The following RANBP10 variants were observed in gnomAD, a reference collection of about 807,000 sequenced individuals.
RANBP10 encodes the protein ran-binding protein 10.
RANBP10 carries 24 observed loss-of-function variants against 72.8 expected under a neutral mutation model. That is an observed-to-expected ratio of 0.33 (90% confidence interval 0.24 to 0.46). RANBP10 has a LOEUF of 0.46. RANBP10 is among the 20% of genes least tolerant of loss of function. The pLI is 1.00. For missense variants in RANBP10, 679 were observed against 817.5 expected (o/e 0.83, Z 2.07); for synonymous variants, 310 against 322.3 (o/e 0.96, Z 0.41).
At chr16:67,763,780 C>T (rs534604522) in intron 3 of RANBP10, among the ~76,000 whole-genome samples, 9 of 152,278 alleles carry the variant, frequency 5.9e-5, no homozygotes, top group African/African-American at 2.2e-4. Context: ...CTGCAACCTC[C>T]GCCTCCTGGG....
chr16:67,785,499 A>T (rs1012263998), intron 2 of RANBP10, among the ~76,000 whole-genome samples: 2 of 152,034 alleles, frequency 1.3e-5, no homozygotes, highest in South Asian at 4.1e-4. Flanking sequence ...AGGCTGAGGC[A>T]GGCGGACCAC....
chr16:67,800,738 C>T (rs1045714549), intron 2 of RANBP10, among the ~76,000 whole-genome samples: 2 of 152,114 alleles, frequency 1.3e-5, no homozygotes, highest in South Asian at 2.1e-4. Flanking sequence ...CAAACACAGC[C>T]CCTCCTACTC....
chr16:67,754,458 A>G (rs1399199740), intron 3 of RANBP10, among the ~76,000 whole-genome samples: 1 of 152,236 alleles, frequency 6.6e-6, no homozygotes, highest in Non-Finnish European at 1.5e-5. Flanking sequence ...TACAAAGGAC[A>G]GGACAAACAT....
chr16:67,762,165 T>C (rs929260595), intron 3 of RANBP10, among the ~76,000 whole-genome samples: 1 of 152,078 alleles, frequency 6.6e-6, no homozygotes, highest in African/African-American at 2.4e-5. Context: ...CTCGGGAAGC[T>C]GAGGCAAGAA....
chr16:67,728,394 G>A lies in RANBP10; in HGVS notation c.1470C>T (p.Ser490=), dbSNP rs2053651912. ...ACACCGGGCCGTGGCTCTCACCCAT[G>A]CTGGACTCATCCGTCTGCAGGTCCT... The part of the protein sequence containing the change: ...KHEDLQTDES[S]MDDRHPRRQL... Residue 490 remains serine, a synonymous_variant, in exon 11 of 14, where the codon AGC becomes AGT. Transcript: ENST00000317506. The A allele has an allele frequency of 1.2e-6, 2 of 1,614,100 alleles. No individual in the cohort carries two copies. The highest frequency in any genetic ancestry group is 1.7e-6 in the Non-Finnish European group (2 of 1,179,994).
At chr16:67,774,616 G>A (rs1368605842) in intron 2 of RANBP10, among the ~76,000 whole-genome samples, 1 of 152,148 alleles carries the variant, frequency 6.6e-6, no homozygotes, top group Non-Finnish European at 1.5e-5. Context: ...AGAGGAAGCT[G>A]ACACCCACAT....
chr16:67,775,475 T>C (rs1242081208), intron 2 of RANBP10, among the ~76,000 whole-genome samples: 2 of 151,924 alleles, frequency 1.3e-5, no homozygotes, highest in African/African-American at 2.4e-5. Flanking sequence ...GCATCCAAAT[T>C]GGAAAGGAAA....
At position 67,727,339 on chromosome 16, in the gene RANBP10, T is replaced by C; in HGVS notation, c.1720A>G (p.Ser574Gly). Residue 574 changes from serine to glycine, a missense_variant, in exon 13 of 14, where the codon AGC becomes GGC. By Grantham distance (56) the Ser-to-Gly change is moderately conservative. Coordinates refer to ENST00000317506, the MANE Select transcript of RANBP10 (RefSeq NM_020850.3). ...TAGATTCACTCACCTAAAATGGCGC[T>C]GTTGAGGGCAGCACACACAGGTTCC... is the stretch of plus-strand genomic sequence containing the variant. ...QREPVCAALNSAILESQNLPK... is the reference protein window; with the variant it reads ...QREPVCAALNGAILESQNLPK... 6.2e-7 allele frequency: 1 copy of C among 1,608,786 alleles called. No homozygotes were observed. The highest frequency in any genetic ancestry group is 8.5e-7 in the Non-Finnish European group (1 of 1,178,556).
Position 67,806,283 on chromosome 16 carries a change from C to A in RANBP10, c.235+19G>T, listed in dbSNP as rs760983339. 6.3e-6 allele frequency: 10 copies of A among 1,594,406 alleles called. No individual in the cohort carries two copies. Among genetic ancestry groups the A allele is most frequent in the Admixed American group, 1.7e-5 (1 of 57,154 alleles). On this transcript the variant is annotated intron_variant, in intron 1 of 13. Coordinates refer to ENST00000317506, the MANE Select transcript of RANBP10 (RefSeq NM_020850.3). Reference sequence around the variant, plus strand: ...CGGACGCTCTAGCCTTAATTCCCCCCAGCCTGACGGGCCGATACCTTTGTA... The same window carrying A: ...CGGACGCTCTAGCCTTAATTCCCCCAAGCCTGACGGGCCGATACCTTTGTA...
rs573855762 is a variant in RANBP10, at chr16:67,729,548, C to T, written c.1148-64G>A. The T allele has an allele frequency of 7.3e-5, 114 of 1,572,166 alleles. No homozygotes were observed. The highest frequency in any genetic ancestry group is 1.2e-4 in the Admixed American group (7 of 56,352). ...TTCCCATGAAATGAAGCCCCAAGAA[C>T]AACCACAGTGGTCCCATTTCCCTTC... On this transcript the variant is annotated intron_variant, in intron 9 of 13. Transcript: ENST00000317506. This position sits in a 1 kb window ranked among gnomAD's most constrained non-coding sequence, Gnocchi z 7.1.
At position 67,792,853 on chromosome 16, in the gene RANBP10, G is replaced by T. The variant is rs540930659; in HGVS notation, c.347+12575C>A. ...TAGGGTGCTCGTATGGAGAAATGTGGTTCTGTGTATGGGTCAGGAGACCCT... is the reference window on the plus strand; with the variant it reads ...TAGGGTGCTCGTATGGAGAAATGTGTTTCTGTGTATGGGTCAGGAGACCCT... On this transcript the variant is annotated intron_variant, in intron 2 of 13. Transcript: ENST00000317506. 3.9e-5 allele frequency among the ~76,000 whole-genome samples: 6 copies of T among 152,016 alleles called. No individual in the cohort carries two copies. The East Asian group carries it at 1.2e-3, about 29-fold the overall frequency.
At position 67,724,175 on chromosome 16, in the gene RANBP10, C is replaced by G. The variant is rs573110359; in HGVS notation, c.*2253G>C. ...GCACCCGTCCTCATCCCTGACACACCCCTGAAGGTAGCAGCTTCTCAGATA... is the reference window on the plus strand; with the variant it reads ...GCACCCGTCCTCATCCCTGACACACGCCTGAAGGTAGCAGCTTCTCAGATA... On this transcript the variant is annotated 3_prime_UTR_variant, in exon 14 of 14. Coordinates refer to ENST00000317506, the MANE Select transcript of RANBP10 (RefSeq NM_020850.3). 1 of 152,452 alleles carries G rather than the reference C, an allele frequency of 6.6e-6. No homozygotes were observed. Among genetic ancestry groups the G allele is most frequent in the African/African-American group, 2.4e-5 (1 of 41,464 alleles). The allele number at this position is 152,452 out of a possible 1,614,324, so 9.4% of individuals were successfully genotyped here. A position where few individuals can be genotyped will look rare whatever the true frequency, so the allele number is the denominator to read the frequency against.
chr16:67,763,524 G>C (rs940486173), intron 3 of RANBP10: 4 of 152,222 alleles, frequency 2.6e-5, no homozygotes, highest in Non-Finnish European at 5.9e-5. Flanking sequence ...GGTGCAATGA[G>C]CGGAGTGGCT....
intron 4 of RANBP10, among the ~76,000 whole-genome samples, chr16:67,740,265 G>T (rs1363982302): frequency 6.6e-6 from 1 of 152,002 alleles, no homozygotes; most frequent in Non-Finnish European, 1.5e-5. Flanking sequence ...ATCATGCCCA[G>T]CTAATTTTTT....
At chr16:67,779,857 G>A (rs2054778924) in intron 2 of RANBP10, among the ~76,000 whole-genome samples, 1 of 152,152 alleles carries the variant, frequency 6.6e-6, no homozygotes, top group Non-Finnish European at 1.5e-5. Flanking sequence ...CTCAAAATGG[G>A]GAATTCCCTC....
chr16:67,779,990 T>C (rs1436999895), intron 2 of RANBP10, among the ~76,000 whole-genome samples: 1 of 152,090 alleles, frequency 6.6e-6, no homozygotes, highest in East Asian at 1.9e-4. Context: ...TCCCAGCACT[T>C]TGGGAGGCCA....
At chr16:67,806,112 G>T (rs905644605) in intron 1 of RANBP10, among the ~76,000 whole-genome samples, 190 bp downstream of exon 1, 19 of 152,238 alleles carry the variant, frequency 1.2e-4, no homozygotes, top group Admixed American at 1.2e-3. Context: ...GACGGCAGGT[G>T]TCTCAGGACA....
chr16:67,761,891 G>T (rs984079363), intron 3 of RANBP10, among the ~76,000 whole-genome samples: 1 of 151,628 alleles, frequency 6.6e-6, no homozygotes. Flanking sequence ...ATTTATAAAA[G>T]AACTTTAAAT....
intron 2 of RANBP10, among the ~76,000 whole-genome samples, chr16:67,793,554 C>T (rs936336134): frequency 2.6e-5 from 4 of 151,956 alleles, no homozygotes; most frequent in African/African-American, 9.7e-5. Context: ...TCAGGTGATC[C>T]GCCCACCTCA....
Sources: allele counts gnomAD v4.1 joint callset (sites outside exome capture counted in the v4.1 genomes callset), GRCh38; gene constraint gnomAD v4.1.1; non-coding constraint Gnocchi (gnomAD v3.1); transcripts MANE v1.5; gene names NCBI Gene and HGNC (gene_info 2026-07-23, HGNC 2026-07-21).